The following GPM6A variants were observed in gnomAD, a reference collection of about 807,000 sequenced individuals.
The protein encoded by GPM6A is neuronal membrane glycoprotein M6-a.
In GPM6A, 7 loss-of-function variants were observed where a neutral mutation model predicts 32.1. That is an observed-to-expected ratio of 0.22 (90% CI 0.12 to 0.41). The LOEUF is 0.41. GPM6A is among the 10% of genes least tolerant of loss of function. The pLI is 1.00. For missense variants in GPM6A, 235 were observed against 347.2 expected, an observed-to-expected ratio of 0.68 and a Z score of 2.57; for synonymous variants, 130 against 123.4, an observed-to-expected ratio of 1.05 and a Z score of -0.35.
intron 3 of GPM6A, among the ~76,000 whole-genome samples, chr4:175,669,477 C>T (rs113042773): frequency 0.031 from 4,788 of 152,212 alleles, 148 homozygotes; most frequent in South Asian, 0.1. Context: ...CCCAAATCTG[C>T]AATGCTCCAA....
intron 1 of GPM6A, among the ~76,000 whole-genome samples, chr4:175,900,674 G>A (rs1263371077): frequency 6.6e-6 from 1 of 152,150 alleles, no homozygotes; most frequent in South Asian, 2.1e-4. Flanking sequence ...CTGTTGGTGG[G>A]AATATACACT....
At chr4:175,662,190 T>C (rs1327450182) in intron 3 of GPM6A, among the ~76,000 whole-genome samples, 3 of 152,150 alleles carry the variant, frequency 2.0e-5, no homozygotes, top group Non-Finnish European at 4.4e-5. Context: ...TACCTCCCTG[T>C]ATAATATACT....
At chr4:175,894,975 C>T (rs946091506) in intron 1 of GPM6A, among the ~76,000 whole-genome samples, 1 of 152,164 alleles carries the variant, frequency 6.6e-6, no homozygotes, top group Non-Finnish European at 1.5e-5. Context: ...AATCAGTATA[C>T]AGCATTGATA....
At chr4:175,646,563 T>C (rs1489579742) in intron 4 of GPM6A, among the ~76,000 whole-genome samples, 1 of 152,212 alleles carries the variant, frequency 6.6e-6, no homozygotes, top group East Asian at 1.9e-4. Context: ...CATGAAGATA[T>C]TTTTCTTTCA....
chr4:175,953,284 G>A (rs946775584), intron 1 of GPM6A, among the ~76,000 whole-genome samples: 10 of 152,094 alleles, frequency 6.6e-5, no homozygotes, highest in Middle Eastern at 3.4e-3. Flanking sequence ...TTGGAACCTC[G>A]GCTGTATCAT....
At position 175,845,385 on chromosome 4, in the gene GPM6A, C is replaced by T. The variant is rs75959955; in HGVS notation, c.-22-33136G>A. ...AACATGAGGTTCCTAGCATTGATTT[C>T]GACGTTTCCCTAACAGACATGGAAC... On this transcript the variant is annotated intron_variant, in intron 1 of 7. Coordinates refer to the GPM6A transcript ENST00000280187. Among the ~76,000 whole-genome samples, 1,027 of 152,110 alleles carry T rather than the reference C, an allele frequency of 6.8e-3. 8 individuals carry two copies. The highest frequency in any genetic ancestry group is 0.023 in the African/African-American group (937 of 41,522).
At chr4:175,885,720 A>T (rs920611946) in intron 1 of GPM6A, among the ~76,000 whole-genome samples, 2 of 152,226 alleles carry the variant, frequency 1.3e-5, no homozygotes, top group African/African-American at 4.8e-5. Context: ...AGACATTTGC[A>T]TCACCATGTT....
intron 1 of GPM6A, among the ~76,000 whole-genome samples, chr4:175,869,065 T>C (rs1736825046): frequency 6.6e-6 from 1 of 152,218 alleles, no homozygotes; most frequent in Non-Finnish European, 1.5e-5. Context: ...TGACTTGACT[T>C]AGTCACTAAT....
intron 1 of GPM6A, among the ~76,000 whole-genome samples, chr4:175,974,143 T>C (rs1241782583): frequency 6.6e-6 from 1 of 151,922 alleles, no homozygotes; most frequent in Non-Finnish European, 1.5e-5. Context: ...TAAGGCAGAA[T>C]TGCTTGAACC....
At chr4:175,793,567 G>T (rs887533282) in intron 1 of GPM6A, among the ~76,000 whole-genome samples, 9 of 152,024 alleles carry the variant, frequency 5.9e-5, no homozygotes, top group African/African-American at 2.2e-4. Context: ...TTAGAGAAAG[G>T]GTTTCGCTAT....
intron 1 of GPM6A, among the ~76,000 whole-genome samples, chr4:175,733,356 T>C (rs2111147560): frequency 6.6e-6 from 1 of 151,622 alleles, no homozygotes; most frequent in East Asian, 1.9e-4. Context: ...ACAAAAAGAT[T>C]ATCCAGGCAT....
chr4:175,903,812 T>G (rs1031397177), intron 1 of GPM6A, among the ~76,000 whole-genome samples: 1 of 152,050 alleles, frequency 6.6e-6, no homozygotes, highest in Non-Finnish European at 1.5e-5. Flanking sequence ...ACAAGTCCAG[T>G]GGAGGGTCCT....
chr4:175,676,997 C>G (rs1288574699), intron 2 of GPM6A, among the ~76,000 whole-genome samples: 2 of 152,018 alleles, frequency 1.3e-5, no homozygotes, highest in Non-Finnish European at 1.5e-5. Context: ...CTTAACTTGT[C>G]AAATTATTTA....
At chr4:175,645,922 A>T (rs956650539) in intron 4 of GPM6A, among the ~76,000 whole-genome samples, 2 of 152,170 alleles carry the variant, frequency 1.3e-5, no homozygotes, top group African/African-American at 2.4e-5. Context: ...CCTTTTGCAG[A>T]TTCTAGAGAC....
At chr4:175,803,457 T>A (rs1193324915) in intron 1 of GPM6A, among the ~76,000 whole-genome samples, 1 of 152,134 alleles carries the variant, frequency 6.6e-6, no homozygotes, top group African/African-American at 2.4e-5. Context: ...GGTCACCTTT[T>A]TAAATGGGCA....
At chr4:175,886,423 A>T (rs773957435) in intron 1 of GPM6A, among the ~76,000 whole-genome samples, 4 of 152,160 alleles carry the variant, frequency 2.6e-5, no homozygotes, top group Non-Finnish European at 5.9e-5. Context: ...GCCTTTCAAG[A>T]AAGAGTGTGA....
chr4:175,879,433 G>A (rs1473517135), intron 1 of GPM6A, among the ~76,000 whole-genome samples: 1 of 152,132 alleles, frequency 6.6e-6, no homozygotes, highest in Non-Finnish European at 1.5e-5. Flanking sequence ...GGAGGGGGAG[G>A]CCTCAGGAAA....
At chr4:175,911,064 C>T (rs17062245) in intron 1 of GPM6A, among the ~76,000 whole-genome samples, 30,075 of 152,052 alleles carry the variant, frequency 0.2, 3,340 homozygotes, top group South Asian at 0.43. Flanking sequence ...CCCGATAAAC[C>T]AGGGTGGTGA....
intron 4 of GPM6A, among the ~76,000 whole-genome samples, chr4:175,650,108 C>T (rs374948636): frequency 2.6e-5 from 4 of 151,920 alleles, no homozygotes; most frequent in African/African-American, 9.7e-5. Context: ...TCCCCAATGT[C>T]CATATTCCCT....
Sources: gnomAD v4.1 joint callset for allele counts (sites outside exome capture counted in the v4.1 genomes callset) on GRCh38, gnomAD v4.1.1 for gene constraint, MANE v1.5 for transcripts, NCBI Gene and HGNC (gene_info 2026-07-23, HGNC 2026-07-21) for gene names.